The following PABIR3 variants were observed in gnomAD, a reference collection of about 807,000 sequenced individuals.
PABIR3 encodes PABIR family member 3, also known as PABIR family member 1.
Under a neutral mutation model 23.1 loss-of-function variants are expected in PABIR3, and 20 were observed. That is an observed-to-expected ratio of 0.86 (90% CI 0.61 to 1.26). The LOEUF (loss-of-function observed/expected upper bound fraction) is 1.26, where lower values mean the gene tolerates loss of function less well. Ranked by LOEUF, PABIR3 falls within the 50% of genes most tolerant of loss-of-function variation. The probability of loss-of-function intolerance (pLI) is 0.00; values close to 1 mark genes in which losing one functional copy is unlikely to be tolerated. For missense variants in PABIR3, 189 were observed against 195.4 expected (o/e 0.97, Z 0.20); for synonymous variants, 69 against 68.5 (o/e 1.01, Z -0.04).
At chrX:134,822,325 T>G in intron 3 of PABIR3, 3 of 751,551 alleles carry the variant, frequency 4.0e-6, no homozygotes, top group Non-Finnish European at 4.7e-6. Flanking sequence ...TAGTACTTAA[T>G]TTGGGGAGAA....
At chrX:134,809,950 CAT>C in intron 2 of PABIR3, 1 of 753,778 alleles carries the variant, frequency 1.3e-6, no homozygotes, top group Non-Finnish European at 1.6e-6. Context: ...GGTAGAAAAA[CAT>C]AGAAGGGGGA....
At chrX:134,855,001 A>G (rs7877716), downstream of PABIR3, among the ~76,000 whole-genome samples, 11,248 of 111,234 alleles carry the variant, frequency 0.1, 634 homozygotes, top group African/African-American at 0.22. Context: ...ATACAGGCTT[A>G]ATATGTCAGG....
chrX:134,833,321 T>C (rs965193776), intron 4 of PABIR3, among the ~76,000 whole-genome samples: 3 of 111,159 alleles, frequency 2.7e-5, no homozygotes, highest in Admixed American at 9.7e-5. Flanking sequence ...ATTTCTGACA[T>C]ATCTTTTTAC....
rs2080064461 is a variant in PABIR3, at chrX:134,801,546, C to T, written c.-97-2555C>T. The stretch of plus-strand genomic sequence containing the variant: ...CCAGGGCAGTCCCATTTCCAGTGGC[C>T]GAGCTTGTGGCAGAGGGGGCAAGCC... On this transcript the variant is annotated intron_variant, in intron 1 of 4. Transcript: ENST00000414371. 2.7e-5 allele frequency among the ~76,000 whole-genome samples: 3 copies of T among 112,376 alleles called. No homozygotes were observed. In the Admixed American group the frequency reaches 2.8e-4, roughly 11 times the overall value.
upstream of PABIR3, chrX:134,804,138 C>A: frequency 1.0e-6 from 1 of 966,022 alleles, no homozygotes; most frequent in Admixed American, 2.7e-5. Flanking sequence ...CTGGGATATG[C>A]AAAGAGAGGA....
rs2082489418 is a variant in PABIR3 at position 134,847,950 on chromosome X, G to C, written c.506G>C (p.Ser169Thr). Residue 169 changes from serine (S) to threonine (T), a missense_variant, in exon 8 of 11, where the codon AGT becomes ACT. Physicochemically the swap from Ser to Thr is moderately conservative, Grantham distance 58. Transcript: ENST00000645433. ...GGTTCGCCTTCAAGTCCTATTCCCA[G>C]TCCTATGCAACAATACATCATGTAA... ...CTGSPSSPIP[S>T]PMQQYIIRSQ... The C allele has an allele frequency of 2.6e-6, 3 of 1,151,801 alleles. No homozygotes were observed. In the Admixed American group the frequency reaches 7.8e-5, roughly 30 times the overall value. 94.9% of individuals were successfully genotyped at this position (1,151,801 alleles called of 1,213,427 possible).
intron 2 of PABIR3, chrX:134,810,329 G>A (rs192918533): frequency 2.7e-6 from 2 of 753,186 alleles, no homozygotes; most frequent in Non-Finnish European, 3.1e-6. Context: ...TTAGAGCATA[G>A]CTACAGTGTT....
At position 134,847,588 on chromosome X, in the gene PABIR3, T is replaced by G. The variant is rs2082477644; in HGVS notation, c.438+113T>G. On this transcript the variant is annotated intron_variant, in intron 7 of 10. Coordinates refer to ENST00000645433, the MANE Select transcript of PABIR3 (RefSeq NM_001388447.1). Reference sequence around the variant, plus strand: ...GGGGGATATATTTTGTCACAGTACATCTGATTCTAACTAACATTTTTCCCT... The same window carrying G: ...GGGGGATATATTTTGTCACAGTACAGCTGATTCTAACTAACATTTTTCCCT... The G allele has an allele frequency of 2.4e-5, 13 of 532,457 alleles. No individual in the cohort carries two copies. The South Asian group carries it at 3.9e-4, about 16-fold the overall frequency. The allele number at this position is 532,457 out of a possible 1,213,427, so 43.9% of individuals were successfully genotyped here.
At chrX:134,847,301 C>T in intron 6 of PABIR3, 82 bp from the exon 7 acceptor site, 2 of 715,297 alleles carry the variant, frequency 2.8e-6, no homozygotes, top group South Asian at 4.9e-5. Context: ...TAAGGACTCA[C>T]TTCCCTGTGC....
intron 3 of PABIR3, among the ~76,000 whole-genome samples, chrX:134,820,065 C>A (rs1326291399): frequency 9.0e-6 from 1 of 111,275 alleles, no homozygotes; most frequent in Non-Finnish European, 1.9e-5. Context: ...TCTTTCCACC[C>A]TACCATCTTC....
exon 1 of PABIR3, chrX:134,796,858 C>T (rs894741668): frequency 8.9e-6 from 1 of 112,264 alleles, no homozygotes; most frequent in Admixed American, 9.3e-5. Context: ...GAGGACCTGA[C>T]AGTCGGGTAG....
At chrX:134,815,103 T>C (rs997466208) in intron 3 of PABIR3, among the ~76,000 whole-genome samples, 2 of 111,866 alleles carry the variant, frequency 1.8e-5, no homozygotes, top group Non-Finnish European at 3.8e-5. Flanking sequence ...ACTACAGTTA[T>C]GATTGCTGCA....
At chrX:134,838,494 G>A (rs184025158) in intron 4 of PABIR3, among the ~76,000 whole-genome samples, 1,109 of 108,681 alleles carry the variant, frequency 0.01, 7 homozygotes, top group Non-Finnish European at 0.017. Flanking sequence ...TAGTAGAGAC[G>A]GGGTTTCACC....
downstream of PABIR3, among the ~76,000 whole-genome samples, chrX:134,858,009 A>G (rs886334468): frequency 9.0e-6 from 1 of 111,546 alleles, no homozygotes; most frequent in Admixed American, 9.6e-5. Context: ...ATAATGATAC[A>G]AGATAGTCTA....
At chrX:134,842,336 C>T (rs1028462586) in intron 4 of PABIR3, among the ~76,000 whole-genome samples, 1 of 111,806 alleles carries the variant, frequency 8.9e-6, no homozygotes, top group South Asian at 3.7e-4. Flanking sequence ...TCTCTGGGCG[C>T]GGTGGCTCAC....
At chrX:134,797,445 A>G (rs900596757) in intron 1 of PABIR3, among the ~76,000 whole-genome samples, 3 of 112,450 alleles carry the variant, frequency 2.7e-5, no homozygotes, top group Non-Finnish European at 5.6e-5. Flanking sequence ...AGAGAAAAAC[A>G]TGGGGTTTCC....
intron 2 of PABIR3, 48 bp from the exon 3 acceptor site, chrX:134,814,723 A>G: frequency 1.0e-6 from 1 of 989,863 alleles, no homozygotes; most frequent in Non-Finnish European, 1.4e-6. Flanking sequence ...AAAAAAAAGA[A>G]TTTTGTAATG....
At chrX:134,814,482 G>A (rs2080855981) in intron 2 of PABIR3, among the ~76,000 whole-genome samples, 2 of 111,592 alleles carry the variant, frequency 1.8e-5, no homozygotes, top group Admixed American at 9.6e-5. Context: ...TGGATCACCT[G>A]AGGTCAGGAG....
chrX:134,813,242 G>A (rs1342032278), intron 2 of PABIR3, among the ~76,000 whole-genome samples: 2 of 112,236 alleles, frequency 1.8e-5, no homozygotes, highest in Admixed American at 1.9e-4. Context: ...AGTAAAGAAC[G>A]TAACTGAATT....
Sources: gnomAD v4.1 joint callset for allele counts (sites outside exome capture counted in the v4.1 genomes callset) on GRCh38, gnomAD v4.1.1 for gene constraint, MANE v1.5 for transcripts, NCBI Gene and HGNC (gene_info 2026-07-23, HGNC 2026-07-21) for gene names.